The following TCF20 variants were observed in gnomAD, a reference collection of about 807,000 sequenced individuals.
TCF20 encodes the protein transcription factor 20.
TCF20 carries 3 observed loss-of-function variants against 148.6 expected under a neutral mutation model. The observed-to-expected ratio is 0.02, with a 90% CI of 0.01 to 0.05. The LOEUF (loss-of-function observed/expected upper bound fraction) is 0.05, where lower values mean the gene tolerates loss of function less well. Ranked by LOEUF, TCF20 falls within the 10% of genes least tolerant of loss-of-function variation. TCF20 has a pLI of 1.00. For synonymous variants in TCF20, 1,049 were observed against 909.5 expected, an observed-to-expected ratio of 1.15 and a Z score of -2.76; for missense variants, 2,350 against 2,429.3, an observed-to-expected ratio of 0.97 and a Z score of 0.69.
intron 1 of TCF20, among the ~76,000 whole-genome samples, chr22:42,230,929 T>C (rs956147338): frequency 6.6e-6 from 1 of 151,880 alleles, no homozygotes; most frequent in Non-Finnish European, 1.5e-5. Context: ...AAGGCCAAGG[T>C]GGGTGGATCA....
At chr22:42,312,089 C>T (rs1418643704) in intron 1 of TCF20, among the ~76,000 whole-genome samples, 1 of 152,182 alleles carries the variant, frequency 6.6e-6, no homozygotes, top group Non-Finnish European at 1.5e-5. Flanking sequence ...CTTGCAGAGA[C>T]AGGAAGTAGT....
chr22:42,177,915 G>T (rs1936542583), intron 3 of TCF20, among the ~76,000 whole-genome samples: 1 of 152,106 alleles, frequency 6.6e-6, no homozygotes, highest in African/African-American at 2.4e-5. Context: ...GCTACTCTTG[G>T]TGGTTCCTGG....
intron 1 of TCF20, among the ~76,000 whole-genome samples, chr22:42,283,118 G>A (rs118004585): frequency 4.6e-5 from 7 of 152,128 alleles, no homozygotes; most frequent in Non-Finnish European, 7.4e-5. Context: ...CGGCTCCCTC[G>A]ACAGCCTGAA....
chr22:42,196,497 G>C (rs1937605233), intron 2 of TCF20, among the ~76,000 whole-genome samples: 1 of 152,104 alleles, frequency 6.6e-6, no homozygotes, highest in Non-Finnish European at 1.5e-5. Flanking sequence ...AGAATAATTT[G>C]GGAACTGTCC....
intron 1 of TCF20, among the ~76,000 whole-genome samples, chr22:42,280,143 C>T (rs1185970905): frequency 2.0e-5 from 3 of 152,202 alleles, no homozygotes; most frequent in East Asian, 1.9e-4. Context: ...GATGATACCG[C>T]CCAAGTCACT....
chr22:42,316,715 C>T (rs553378421), intron 1 of TCF20, among the ~76,000 whole-genome samples: 12 of 152,332 alleles, frequency 7.9e-5, no homozygotes, highest in Non-Finnish European at 1.3e-4. Flanking sequence ...GGATTACACG[C>T]GTGAGCCACT....
intron 1 of TCF20, among the ~76,000 whole-genome samples, chr22:42,342,515 T>C (rs1000410299): frequency 1.3e-5 from 2 of 152,182 alleles, no homozygotes; most frequent in Non-Finnish European, 2.9e-5. Context: ...GACTACCTCC[T>C]GGAGGTAGTT....
chr22:42,309,430 C>A (rs1024861404), intron 1 of TCF20, among the ~76,000 whole-genome samples: 1 of 152,088 alleles, frequency 6.6e-6, no homozygotes, highest in African/African-American at 2.4e-5. Context: ...TGCCCTGGGC[C>A]TCCCTCCCCA....
At chr22:42,209,232 C>G (rs147512670) in intron 2 of TCF20, among the ~76,000 whole-genome samples, 14 of 152,250 alleles carry the variant, frequency 9.2e-5, no homozygotes, top group African/African-American at 3.4e-4. Context: ...GATGCACGCC[C>G]TTAAATGAAG....
chr22:42,213,706 C>T lies in TCF20; in HGVS notation c.1600G>A (p.Val534Met). ...GTGCTCTGGCCACTTAGTTGCCGCACTCTCTCGCCTTGATCCTCTGAACTG... is the reference window on the plus strand; with the variant it reads ...GTGCTCTGGCCACTTAGTTGCCGCATTCTCTCGCCTTGATCCTCTGAACTG... Reference protein sequence around the residue: ...SSSSEDQGERVRQLSGQSTSS... With the variant: ...SSSSEDQGERMRQLSGQSTSS... The change falls in exon 2 of 6, where the codon GTG (valine) becomes ATG (methionine). Residue 534 changes from valine (V) to methionine (M), a missense_variant. Around this residue, in one of 7 missense-constraint regions of TCF20, gnomAD observed 1,641 missense variants for 1,662.6 expected, o/e 0.99. Coordinates refer to ENST00000677622, the MANE Select transcript of TCF20 (RefSeq NM_001378418.1). 1 of 1,614,032 alleles carries T rather than the reference C, an allele frequency of 6.2e-7. No homozygotes were observed. Among genetic ancestry groups the T allele is most frequent in the East Asian group, 2.2e-5 (1 of 44,866 alleles).
chr22:42,189,618 T>C (rs567825317), intron 2 of TCF20, among the ~76,000 whole-genome samples: 1 of 152,344 alleles, frequency 6.6e-6, no homozygotes, highest in African/African-American at 2.4e-5. Flanking sequence ...AGAGTATTCT[T>C]GTAAGACACG....
At chr22:42,330,991 C>T (rs1927964178) in intron 1 of TCF20, among the ~76,000 whole-genome samples, 1 of 152,362 alleles carries the variant, frequency 6.6e-6, no homozygotes, top group African/African-American at 2.4e-5. Flanking sequence ...GGGCCGCCAC[C>T]CCCTGCCCCT....
In TCF20 at chr22:42,292,822, A is replaced by G. The variant is rs1927157319; in HGVS notation, c.-37+50657T>C. 6.6e-6 allele frequency among the ~76,000 whole-genome samples: 1 copy of G among 150,858 alleles called. No homozygotes were observed. On this transcript the variant is annotated intron_variant, in intron 1 of 1. Coordinates refer to the TCF20 transcript ENST00000515426. The surrounding 1 kb of genome is among the most constrained non-coding windows in gnomAD (Gnocchi z 4.9). ...CACTAGCCCAGGCCCAGGAGAATCT[A>G]CTGAATGACCGGGTCTCAGCTTGAG...
chr22:42,233,554 T>C (rs1321454457), intron 1 of TCF20, among the ~76,000 whole-genome samples: 1 of 152,200 alleles, frequency 6.6e-6, no homozygotes, highest in Admixed American at 6.5e-5. Context: ...CCTTAACACC[T>C]TCCTAGAACA....
chr22:42,307,976 T>C (rs771710976), intron 1 of TCF20, among the ~76,000 whole-genome samples: 4 of 152,192 alleles, frequency 2.6e-5, no homozygotes, highest in Non-Finnish European at 5.9e-5. Context: ...CCTTGGCCAA[T>C]AGGGGCGCAG....
chr22:42,228,682 A>G (rs1009498951), intron 1 of TCF20, among the ~76,000 whole-genome samples: 6 of 152,252 alleles, frequency 3.9e-5, no homozygotes, highest in Non-Finnish European at 8.8e-5. Context: ...GCACATCCAC[A>G]TGGAAACAGC....
At chr22:42,315,434 G>A (rs1161556348) in intron 1 of TCF20, among the ~76,000 whole-genome samples, 2 of 152,198 alleles carry the variant, frequency 1.3e-5, no homozygotes, top group South Asian at 2.1e-4. Context: ...GGCACACAGG[G>A]TAAGAGAGGA....
In TCF20 at chr22:42,297,331, G is replaced by A. The variant is rs540299076; in HGVS notation, c.-37+46148C>T. Among the ~76,000 whole-genome samples, 3 of 152,362 alleles carry A rather than the reference G, an allele frequency of 2.0e-5. No individual in the cohort carries two copies. In the East Asian group the frequency reaches 5.8e-4, roughly 29 times the overall value. ...TGAGCAGAGGTCAGACTCCCTAGCT[G>A]GCTTAAGGGTTGGTCATATTCATGG... On this transcript the variant is annotated intron_variant, in intron 1 of 1. Transcript: ENST00000515426. The surrounding 1 kb of genome is among the most constrained non-coding windows in gnomAD (Gnocchi z 4.3).
chr22:42,225,379 C>T (rs1412241915), intron 1 of TCF20, among the ~76,000 whole-genome samples: 2 of 151,602 alleles, frequency 1.3e-5, no homozygotes, highest in East Asian at 2.0e-4. Context: ...CTTTGGGAGG[C>T]CGAGGCGGGT....
Sources: allele counts gnomAD v4.1 joint callset (sites outside exome capture counted in the v4.1 genomes callset), GRCh38; gene constraint gnomAD v4.1.1; regional missense constraint gnomAD v4.1.1; non-coding constraint Gnocchi (gnomAD v3.1); transcripts MANE v1.5; gene names NCBI Gene and HGNC (gene_info 2026-07-23, HGNC 2026-07-21).